The following LINC00237 variants were observed in gnomAD, a reference collection of about 807,000 sequenced individuals.
LINC00237 encodes long independently transcribed non-coding RNA 237.
intron 2 of LINC00237, chr20:21,092,757 G>A (rs1391906652): frequency 6.6e-6 from 1 of 152,166 alleles, no homozygotes; most frequent in Non-Finnish European, 1.5e-5. Context: ...CAGTCTACAA[G>A]AACAGTGGTG....
At chr20:21,086,032 C>A (rs1243974755) in intron 3 of LINC00237, among the ~76,000 whole-genome samples, 1 of 152,208 alleles carries the variant, frequency 6.6e-6, no homozygotes, top group Non-Finnish European at 1.5e-5. Flanking sequence ...TTGCATCAGA[C>A]AATCTTAGCC....
intron 1 of LINC00237, among the ~76,000 whole-genome samples, chr20:21,095,680 G>C (rs2122175575): frequency 6.6e-6 from 1 of 152,306 alleles, no homozygotes; most frequent in South Asian, 2.1e-4. Context: ...GTGGGAAGGA[G>C]ATCTTTAAGG....
At chr20:21,100,266 CTGTT>C (rs1362360745) in intron 1 of LINC00237, among the ~76,000 whole-genome samples, 2 of 152,216 alleles carry the variant, frequency 1.3e-5, no homozygotes, top group Admixed American at 1.3e-4. Flanking sequence ...GCGGAGGAAT[CTGTT>C]GGTTTGACTG....
At chr20:21,094,049 G>T (rs966240852) in intron 1 of LINC00237, among the ~76,000 whole-genome samples, 1 of 152,214 alleles carries the variant, frequency 6.6e-6, no homozygotes, top group Non-Finnish European at 1.5e-5. Flanking sequence ...GGAAGGGGAA[G>T]CCTTCCAGGT....
intron 2 of LINC00237, among the ~76,000 whole-genome samples, chr20:21,088,616 T>C (rs940159369): frequency 6.6e-6 from 1 of 151,764 alleles, no homozygotes; most frequent in African/African-American, 2.4e-5. Context: ...TAACACAGCA[T>C]AACTTTCTTT....
Position 21,101,466 on chromosome 20 carries a change from GA to G in LINC00237, n.88+4804del, listed in dbSNP as rs1321572012. 1 of 150,690 alleles carries G rather than the reference GA, an allele frequency of 6.6e-6. No homozygotes were observed. Among genetic ancestry groups the G allele is most frequent in the Non-Finnish European group, 1.5e-5 (1 of 68,088 alleles). 9.3% of individuals were successfully genotyped at this position (150,690 alleles called of 1,614,324 possible). ...AGAGCGCTGCCCCGGCTCTGGCCCG[GA>G]AAGAGAGTGACAGAGGCGCGTGCGG... On this transcript the variant is annotated intron_variant and non_coding_transcript_variant, in intron 1 of 3. Transcript: ENST00000691244. This position sits in a 1 kb window ranked among gnomAD's most constrained non-coding sequence, Gnocchi z 4.3.
intron 3 of LINC00237, among the ~76,000 whole-genome samples, chr20:21,086,893 CTA>C (rs1325584746): frequency 3.1e-5 from 4 of 131,092 alleles, no homozygotes; most frequent in South Asian, 2.3e-4. Flanking sequence ...TATATATGTA[CTA>C]TATATAGTAC....
At chr20:21,094,113 A>G (rs1568885368) in intron 1 of LINC00237, among the ~76,000 whole-genome samples, 2 of 152,204 alleles carry the variant, frequency 1.3e-5, no homozygotes, top group South Asian at 4.1e-4. Flanking sequence ...TGTTTACATC[A>G]CCTAAGCCTC....
intron 3 of LINC00237, among the ~76,000 whole-genome samples, chr20:21,085,933 C>T (rs1022040168): frequency 6.6e-6 from 1 of 152,172 alleles, no homozygotes; most frequent in Non-Finnish European, 1.5e-5. Context: ...GAATCATAAG[C>T]TTCTGTTTGT....
At chr20:21,086,145 C>T (rs912281337) in intron 3 of LINC00237, among the ~76,000 whole-genome samples, 1 of 152,188 alleles carries the variant, frequency 6.6e-6, no homozygotes, top group Non-Finnish European at 1.5e-5. Flanking sequence ...AACAAATCTG[C>T]CCCTCCTCAG....
exon 2 of LINC00237, chr20:21,093,738 C>T (rs1985833875): frequency 6.6e-6 from 1 of 152,248 alleles, no homozygotes; most frequent in Admixed American, 6.5e-5. Flanking sequence ...GACTACTGGC[C>T]TGGCTTAAAT....
chr20:21,097,796 T>C (rs1220633322), intron 1 of LINC00237, among the ~76,000 whole-genome samples: 2 of 152,210 alleles, frequency 1.3e-5, no homozygotes, highest in Non-Finnish European at 2.9e-5. Flanking sequence ...TAGTAGACTG[T>C]GTTGAAAATA....
chr20:21,096,852 C>G (rs1393774964), intron 1 of LINC00237, among the ~76,000 whole-genome samples: 1 of 152,188 alleles, frequency 6.6e-6, no homozygotes, highest in African/African-American at 2.4e-5. Context: ...AGGCCCTATG[C>G]TTTCAAACAG....
chr20:21,095,744 C>T (rs190513722), intron 1 of LINC00237, among the ~76,000 whole-genome samples: 86 of 152,318 alleles, frequency 5.6e-4, no homozygotes, highest in Admixed American at 1.8e-3. Context: ...TAGCTCCTTA[C>T]CTGTCTACAT....
chr20:21,087,272 C>T (rs183998964), intron 3 of LINC00237, among the ~76,000 whole-genome samples: 3 of 151,992 alleles, frequency 2.0e-5, no homozygotes, highest in Non-Finnish European at 4.4e-5. Context: ...TCCTTCTTTC[C>T]TTGCCACTAT....
intron 3 of LINC00237, among the ~76,000 whole-genome samples, chr20:21,086,661 AG>A (rs2030704851): frequency 1.5e-5 from 2 of 132,928 alleles, no homozygotes; most frequent in African/African-American, 5.6e-5. Flanking sequence ...ATATATGTAT[AG>A]TATACTATAT....
At chr20:21,100,148 G>A (rs2030910770) in intron 1 of LINC00237, among the ~76,000 whole-genome samples, 1 of 152,112 alleles carries the variant, frequency 6.6e-6, no homozygotes, top group Admixed American at 6.5e-5. Flanking sequence ...GCAGGCGGTA[G>A]TAGCACTTCG....
At chr20:21,086,205 T>A (rs903507098) in intron 3 of LINC00237, among the ~76,000 whole-genome samples, 9 of 152,168 alleles carry the variant, frequency 5.9e-5, no homozygotes, top group Admixed American at 2.0e-4. Flanking sequence ...TGAACATATT[T>A]GAAAAGATAG....
At chr20:21,105,224 C>G (rs916868022) in intron 1 of LINC00237, among the ~76,000 whole-genome samples, 1 of 152,196 alleles carries the variant, frequency 6.6e-6, no homozygotes, top group African/African-American at 2.4e-5. Flanking sequence ...CCTCTGGAGC[C>G]CTGGTCAGGA....
Sources: gnomAD v4.1 joint callset for allele counts (sites outside exome capture counted in the v4.1 genomes callset) on GRCh38, gnomAD v4.1.1 for gene constraint, Gnocchi (gnomAD v3.1) non-coding constraint, MANE v1.5 for transcripts, NCBI Gene and HGNC (gene_info 2026-07-23, HGNC 2026-07-21) for gene names.